Variants in RGSL1 observed in about 807,000 individuals in gnomAD.
RGSL1 encodes regulator of G protein signaling protein-like.
RGSL1 carries 97 observed loss-of-function variants against 124.7 expected under a neutral mutation model. That is an observed-to-expected ratio of 0.78 (90% CI 0.66 to 0.92). The LOEUF is 0.92. Among genes scored for constraint, RGSL1 ranks in the 40% least tolerant of loss-of-function variants. RGSL1 has a pLI of 0.00. For missense variants in RGSL1, 1,233 were observed against 1,288.4 expected (o/e 0.96, Z 0.66); for synonymous variants, 424 against 438.1 (o/e 0.97, Z 0.40).
At chr1:182,462,507 T>C (rs1652928622) in intron 4 of RGSL1, among the ~76,000 whole-genome samples, 2 of 152,200 alleles carry the variant, frequency 1.3e-5, no homozygotes, top group African/African-American at 4.8e-5. Context: ...CTGCCCTTTT[T>C]TGTTTTTTCA....
chr1:182,554,526 C>CAACCCCTACA, intron 19 of RGSL1, 101 bp from the exon 20 acceptor site: 3 of 968,710 alleles, frequency 3.1e-6, no homozygotes, highest in South Asian at 1.4e-5. Flanking sequence ...TGGAGGTGTC[C>CAACCCCTACA]GTGGAAGCCC....
chr1:182,558,461 G>A (rs1660989337), intron 21 of RGSL1, among the ~76,000 whole-genome samples: 1 of 152,212 alleles, frequency 6.6e-6, no homozygotes, highest in Non-Finnish European at 1.5e-5. Context: ...TCAGAAGTCT[G>A]ACCTGGGACT....
At chr1:182,475,543 T>G (rs1654223031) in intron 6 of RGSL1, among the ~76,000 whole-genome samples, 1 of 152,120 alleles carries the variant, frequency 6.6e-6, no homozygotes, top group Admixed American at 6.5e-5. Flanking sequence ...AGGAAGCAAT[T>G]ACTAGAACCA....
upstream of RGSL1, among the ~76,000 whole-genome samples, chr1:182,449,600 G>A (rs181238585): frequency 5.3e-4 from 81 of 152,304 alleles, no homozygotes; most frequent in African/African-American, 1.8e-3. Flanking sequence ...GTCTTCAGAG[G>A]AAGGGAGTTC....
intron 1 of RGSL1, chr1:182,450,578 T>C: frequency 4.1e-6 from 1 of 243,868 alleles, no homozygotes; most frequent in Non-Finnish European, 8.2e-6. Flanking sequence ...GCAGAACAGG[T>C]AAGAAGGAAA....
chr1:182,531,023 A>G lies in RGSL1; in HGVS notation c.2364+113A>G, dbSNP rs1659136692. The G allele has an allele frequency of 4.1e-6, 5 of 1,226,586 alleles. No homozygotes were observed. The Admixed American group carries it at 1.1e-4, about 27-fold the overall frequency. The allele number at this position is 1,226,586 out of a possible 1,614,324, so 76.0% of individuals were successfully genotyped here. On this transcript the variant is annotated intron_variant, in intron 13 of 21. Transcript: ENST00000294854. ...GAAGAATCTGAGACTCAGATAAATT[A>G]CTATACTAGGAATTTAAGCAAGTCC...
chr1:182,542,043 TTGA>T (rs2102303385), intron 15 of RGSL1, among the ~76,000 whole-genome samples: 1 of 152,286 alleles, frequency 6.6e-6, no homozygotes, highest in Admixed American at 6.5e-5. Context: ...CTTTACTTTG[TTGA>T]TTGTTTCCTT....
At chr1:182,555,806 G>T in intron 20 of RGSL1, 1 of 560,488 alleles carries the variant, frequency 1.8e-6, no homozygotes, top group Non-Finnish European at 3.2e-6. Flanking sequence ...ATACTTTGAA[G>T]CTCTTTACAC....
chr1:182,515,153 T>C (rs1430783939), intron 9 of RGSL1, among the ~76,000 whole-genome samples: 1 of 152,178 alleles, frequency 6.6e-6, no homozygotes, highest in Non-Finnish European at 1.5e-5. Context: ...AGGGAGGGCC[T>C]AGAAAATAGG....
chr1:182,548,143 G>A (rs144214789), intron 15 of RGSL1, among the ~76,000 whole-genome samples, 174 bp from the exon 16 acceptor site: 7 of 152,308 alleles, frequency 4.6e-5, no homozygotes, highest in African/African-American at 1.7e-4. Context: ...TCTGACCTGT[G>A]ATAAGTGCTC....
intron 11 of RGSL1, among the ~76,000 whole-genome samples, chr1:182,529,335 C>T (rs1332888419): frequency 6.6e-6 from 1 of 152,152 alleles, no homozygotes; most frequent in African/African-American, 2.4e-5. Context: ...GACCATTAAA[C>T]CAACTAGCCT....
chr1:182,490,876 G>A (rs1446393956), intron 8 of RGSL1, among the ~76,000 whole-genome samples: 1 of 150,244 alleles, frequency 6.7e-6, no homozygotes, highest in Non-Finnish European at 1.5e-5. Flanking sequence ...GTCTCAAGCT[G>A]TACCCTAAAC....
chr1:182,523,141 A>T (rs1305670707), intron 10 of RGSL1, among the ~76,000 whole-genome samples: 1 of 151,166 alleles, frequency 6.6e-6, no homozygotes, highest in Non-Finnish European at 1.5e-5. Flanking sequence ...GGCTCAAGTG[A>T]TCCACGTGCT....
rs748449100 is a variant in RGSL1, at chr1:182,523,316, C to T, written c.1931+1207C>T. ...TTAACCTTCCAAAGTGCTGAGATTACAGGCATTTGTACCCAGCCAAGAATG... is the reference window on the plus strand; with the variant it reads ...TTAACCTTCCAAAGTGCTGAGATTATAGGCATTTGTACCCAGCCAAGAATG... On this transcript the variant is annotated intron_variant, in intron 10 of 21. Transcript: ENST00000294854. 4.0e-4 allele frequency among the ~76,000 whole-genome samples: 61 copies of T among 151,374 alleles called. 1 individual carries two copies. The highest frequency in any genetic ancestry group is 3.4e-3 in the Middle Eastern group (1 of 294).
chr1:182,462,383 A>G (rs1272224528), intron 4 of RGSL1, among the ~76,000 whole-genome samples: 1 of 152,240 alleles, frequency 6.6e-6, no homozygotes, highest in Non-Finnish European at 1.5e-5. Context: ...AACACTAGAC[A>G]GTAACTTGAA....
At chr1:182,557,180 C>T (rs1200292703) in intron 21 of RGSL1, among the ~76,000 whole-genome samples, 4 of 152,094 alleles carry the variant, frequency 2.6e-5, no homozygotes, top group African/African-American at 4.8e-5. Context: ...CCCTTGGGCC[C>T]CTGGGAGAAG....
chr1:182,536,119 G>T (rs1475965385), intron 14 of RGSL1, among the ~76,000 whole-genome samples: 2 of 152,112 alleles, frequency 1.3e-5, no homozygotes, highest in Admixed American at 6.5e-5. Context: ...CTATGCTATT[G>T]CATATATCAG....
chr1:182,517,591 T>A (rs695154), intron 9 of RGSL1, among the ~76,000 whole-genome samples: 131,257 of 151,924 alleles, frequency 0.86, 57,026 homozygotes, highest in Non-Finnish European at 0.89. Flanking sequence ...TTTTCTTCTC[T>A]GTGTATTTTA....
At chr1:182,557,799 GCTTC>G (rs1660948008) in intron 21 of RGSL1, among the ~76,000 whole-genome samples, 3 of 152,172 alleles carry the variant, frequency 2.0e-5, no homozygotes, top group Admixed American at 2.0e-4. Flanking sequence ...TTTGTTGATT[GCTTC>G]TTTCGGTTTC....
Sources: allele counts gnomAD v4.1 joint callset (sites outside exome capture counted in the v4.1 genomes callset), GRCh38; gene constraint gnomAD v4.1.1; transcripts MANE v1.5; gene names NCBI Gene and HGNC (gene_info 2026-07-23, HGNC 2026-07-21).